PKHD1L1: variants seen among roughly 807,000 people sequenced by gnomAD.
PKHD1L1 encodes the protein PKHD1 like 1.
In PKHD1L1, 434 loss-of-function variants were observed where a neutral mutation model predicts 462.9. The ratio of observed to expected loss-of-function variants is 0.94; its 90% CI spans 0.87 to 1.02. The LOEUF (loss-of-function observed/expected upper bound fraction) is 1.02, where lower values mean the gene tolerates loss of function less well. PKHD1L1 is among the 50% of genes least tolerant of loss of function. The pLI is 0.00. For missense variants in PKHD1L1, 5,202 were observed against 5,096.1 expected, an observed-to-expected ratio of 1.02 and a Z score of -0.63; for synonymous variants, 1,781 against 1,750.0, an observed-to-expected ratio of 1.02 and a Z score of -0.44.
intron 50 of PKHD1L1, chr8:109,470,418 T>G: frequency 6.3e-7 from 1 of 1,597,930 alleles, no homozygotes; most frequent in Non-Finnish European, 8.6e-7. Flanking sequence ...AAGAAAAAAC[T>G]GATAAGAAAG....
At chr8:109,391,830 A>T (rs911903470) in intron 9 of PKHD1L1, among the ~76,000 whole-genome samples, 2 of 152,180 alleles carry the variant, frequency 1.3e-5, no homozygotes, top group African/African-American at 4.8e-5. Flanking sequence ...TTGGTTTGTG[A>T]ACTCAAGTAC....
chr8:109,498,647 G>C lies in PKHD1L1; in HGVS notation c.10712-8G>C, dbSNP rs1819245822. The stretch of plus-strand genomic sequence containing the variant: ...AATTTTCATTAACTTTTTCTTTTTT[G>C]GTAAAAGGTGGGAGAAGTGGGATTT... On this transcript the variant is annotated splice_polypyrimidine_tract_variant and splice_region_variant and intron_variant, in intron 66 of 77. Coordinates refer to ENST00000378402, the MANE Select transcript of PKHD1L1 (RefSeq NM_177531.6). 6.2e-7 allele frequency: 1 copy of C among 1,612,936 alleles called. No individual in the cohort carries two copies. The highest frequency in any genetic ancestry group is 1.7e-5 in the Admixed American group (1 of 59,918).
intron 77 of PKHD1L1, among the ~76,000 whole-genome samples, chr8:109,529,673 GCTT>G (rs72266526): frequency 0.048 from 7,267 of 151,944 alleles, 419 homozygotes; most frequent in African/African-American, 0.13. Flanking sequence ...TTAATCAATG[GCTT>G]CTTCTTTGCT....
chr8:109,416,097 G>A (rs1814155672), intron 21 of PKHD1L1, among the ~76,000 whole-genome samples: 1 of 152,080 alleles, frequency 6.6e-6, no homozygotes, highest in Non-Finnish European at 1.5e-5. Context: ...CATGAGGTAG[G>A]AGTCCACAGT....
Position 109,479,555 on chromosome 8 carries a change from T to G in PKHD1L1, c.9094T>G (p.Trp3032Gly), listed in dbSNP as rs1401288743. The change falls in exon 54 of 78, where the codon TGG becomes GGG. Residue 3032 changes from tryptophan (W) to glycine (G), a missense_variant. Trp to Gly is a radical substitution (Grantham distance 184). This residue lies in a region of PKHD1L1 where 4,497 missense variants were observed against 4,336.8 expected (regional missense o/e 1.04). Coordinates refer to ENST00000378402, the MANE Select transcript of PKHD1L1 (RefSeq NM_177531.6). ...PKKRPATYNLWSNDSFWQSSR... is the reference protein window; with the variant it reads ...PKKRPATYNLGSNDSFWQSSR... ...GTATTTCTCTTCTCTTTTCAGTTTA[T>G]GGTCAAATGATTCTTTTTGGCAATC... The G allele has an allele frequency of 6.7e-7, 1 of 1,500,488 alleles. No individual in the cohort carries two copies. Among genetic ancestry groups the G allele is most frequent in the Non-Finnish European group, 9.2e-7 (1 of 1,090,102 alleles). The allele number at this position is 1,500,488 out of a possible 1,614,324, so 92.9% of individuals were successfully genotyped here. A position where few individuals can be genotyped will look rare whatever the true frequency, so the allele number is the denominator to read the frequency against.
chr8:109,454,915 T>G (rs559185956), intron 45 of PKHD1L1, 63 bp downstream of exon 45: 3 of 1,518,146 alleles, frequency 2.0e-6, no homozygotes, highest in Non-Finnish European at 2.7e-6. Flanking sequence ...CCAGGGATAA[T>G]TATCCTGTGA....
In PKHD1L1 at chr8:109,510,865, T is replaced by C. The variant is rs752547466; in HGVS notation, c.11484T>C (p.Tyr3828=). Residue 3828 remains tyrosine, a synonymous_variant, in exon 71 of 78, where the codon TAT becomes TAC. Transcript: ENST00000378402. Reference sequence around the variant, plus strand: ...GCATTGTGGCTCTGAACAAATCTTATGAAGTTTACTTCACTGGCACCAGTC... The same window carrying C: ...GCATTGTGGCTCTGAACAAATCTTACGAAGTTTACTTCACTGGCACCAGTC... ...FHSIVALNKS[Y]EVYFTGTSPQ... is the part of the protein sequence containing the mutation. 1.2e-5 allele frequency: 20 copies of C among 1,613,298 alleles called. No individual in the cohort carries two copies. Among genetic ancestry groups the C allele is most frequent in the Admixed American group, 1.7e-5 (1 of 59,890 alleles).
chr8:109,448,781 A>G (rs1280390965), intron 39 of PKHD1L1, among the ~76,000 whole-genome samples: 2 of 152,082 alleles, frequency 1.3e-5, no homozygotes, highest in Middle Eastern at 3.2e-3. Context: ...ATGTAAGTGT[A>G]TAATTATTTA....
chr8:109,512,328 G>T (rs1483859675), intron 71 of PKHD1L1, among the ~76,000 whole-genome samples: 1 of 151,064 alleles, frequency 6.6e-6, no homozygotes, highest in African/African-American at 2.4e-5. Flanking sequence ...TATGGTTTTA[G>T]GTCTAACATT....
At chr8:109,368,491 T>C (rs1001786962) in intron 2 of PKHD1L1, among the ~76,000 whole-genome samples, 1 of 152,244 alleles carries the variant, frequency 6.6e-6, no homozygotes, top group African/African-American at 2.4e-5. Flanking sequence ...TTATAAATAG[T>C]ATAAATTCTA....
chr8:109,395,609 A>G (rs1285952516), intron 10 of PKHD1L1, among the ~76,000 whole-genome samples: 5 of 152,246 alleles, frequency 3.3e-5, no homozygotes, highest in Admixed American at 3.3e-4. Context: ...GCAAAGCCAC[A>G]AGAAGTTCAA....
At chr8:109,444,132 A>T (rs1586526326) in intron 37 of PKHD1L1, among the ~76,000 whole-genome samples, 1 of 151,302 alleles carries the variant, frequency 6.6e-6, no homozygotes, top group African/African-American at 2.4e-5. Flanking sequence ...CCCAAAAAAA[A>T]CCCTAAAGCC....
intron 2 of PKHD1L1, among the ~76,000 whole-genome samples, chr8:109,375,040 G>C (rs1215973263): frequency 1.3e-5 from 2 of 152,172 alleles, no homozygotes; most frequent in Non-Finnish European, 2.9e-5. Flanking sequence ...GAATCTGAAT[G>C]TTGGCCTGCC....
At chr8:109,505,921 C>A (rs999099124) in intron 68 of PKHD1L1, among the ~76,000 whole-genome samples, 1 of 151,898 alleles carries the variant, frequency 6.6e-6, no homozygotes, top group Non-Finnish European at 1.5e-5. Flanking sequence ...AAAGTAGGCA[C>A]CTCTTCAGAT....
At chr8:109,529,980 C>G in intron 77 of PKHD1L1, 100 bp from the exon 78 acceptor site, 2 of 705,762 alleles carry the variant, frequency 2.8e-6, no homozygotes, top group Non-Finnish European at 2.1e-6. Context: ...GCTAACTGTA[C>G]CATAAAAATG....
At chr8:109,403,339 C>G (rs190861627) in intron 14 of PKHD1L1, among the ~76,000 whole-genome samples, 152 of 152,084 alleles carry the variant, frequency 1.0e-3, no homozygotes, top group African/African-American at 3.4e-3. Context: ...TTTTTGGTCA[C>G]CTTATTTTGT....
Position 109,479,650 on chromosome 8 carries a change from A to G in PKHD1L1, c.9178+11A>G. 7.1e-7 allele frequency: 1 copy of G among 1,413,446 alleles called. No homozygotes were observed. The highest frequency in any genetic ancestry group is 9.8e-7 in the Non-Finnish European group (1 of 1,018,468). The allele number at this position is 1,413,446 out of a possible 1,614,324, so 87.6% of individuals were successfully genotyped here. On this transcript the variant is annotated intron_variant, in intron 54 of 77. Transcript: ENST00000378402. ...TGATTATACCTGAAGGTAAATGCGT[A>G]AACACAAATGAATGAAATGTTTGTT... is the stretch of plus-strand genomic sequence containing the variant.
chr8:109,445,831 G>A (rs1260160216), intron 38 of PKHD1L1, among the ~76,000 whole-genome samples, 186 bp downstream of exon 38: 1 of 152,120 alleles, frequency 6.6e-6, no homozygotes. Flanking sequence ...ACATTTATGG[G>A]ATAACAATTT....
chr8:109,365,390 T>A (rs1395785530), intron 2 of PKHD1L1, among the ~76,000 whole-genome samples: 2 of 152,146 alleles, frequency 1.3e-5, no homozygotes, highest in Non-Finnish European at 2.9e-5. Flanking sequence ...ATTATTTTGT[T>A]ATATAATGTA....
Sources: gnomAD v4.1 joint callset for allele counts (sites outside exome capture counted in the v4.1 genomes callset) on GRCh38, gnomAD v4.1.1 for gene constraint, gnomAD v4.1.1 regional missense constraint, MANE v1.5 for transcripts, NCBI Gene and HGNC (gene_info 2026-07-23, HGNC 2026-07-21) for gene names.